Variants in NEK10 observed in about 807,000 individuals in gnomAD.
NEK10 encodes the protein NIMA related kinase 10.
Under a neutral mutation model 159.8 loss-of-function variants are expected in NEK10, and 122 were observed. The ratio of observed to expected loss-of-function variants is 0.76; its 90% CI spans 0.66 to 0.89. NEK10 has a LOEUF of 0.89. NEK10 is among the 40% of genes least tolerant of loss of function. The pLI is 0.00. For missense variants in NEK10, 1,342 were observed against 1,323.1 expected (o/e 1.01, Z -0.22); for synonymous variants, 466 against 457.1 (o/e 1.02, Z -0.25).
chr3:27,324,482 G>A (rs1363499393), intron 5 of NEK10, among the ~76,000 whole-genome samples: 4 of 152,158 alleles, frequency 2.6e-5, no homozygotes, highest in Non-Finnish European at 5.9e-5. Flanking sequence ...AACCCTTGGT[G>A]TTTTTCTTGC....
chr3:27,324,520 C>T (rs936982732), intron 5 of NEK10, among the ~76,000 whole-genome samples: 2 of 152,150 alleles, frequency 1.3e-5, no homozygotes, highest in Admixed American at 1.3e-4. Flanking sequence ...CATTCTTTGC[C>T]AATTCCTCAG....
intron 5 of NEK10, among the ~76,000 whole-genome samples, chr3:27,332,394 G>T (rs1216636264): frequency 1.3e-5 from 2 of 152,062 alleles, no homozygotes; most frequent in African/African-American, 4.8e-5. Context: ...TATATTGGAA[G>T]GATTCATTAT....
intron 25 of NEK10, among the ~76,000 whole-genome samples, chr3:27,195,774 G>C (rs891276968): frequency 6.6e-6 from 1 of 152,024 alleles, no homozygotes. Context: ...AGTAAGACAG[G>C]TCCTTCTGTA....
chr3:27,339,124 G>A (rs2047020914), intron 5 of NEK10, among the ~76,000 whole-genome samples: 1 of 152,150 alleles, frequency 6.6e-6, no homozygotes, highest in Admixed American at 6.5e-5. Context: ...CCATTAAAAA[G>A]TGGGCAAAGT....
At chr3:27,245,539 G>A (rs1256264291) in intron 23 of NEK10, among the ~76,000 whole-genome samples, 1 of 152,098 alleles carries the variant, frequency 6.6e-6, no homozygotes, top group African/African-American at 2.4e-5. Context: ...GCATCAACAC[G>A]AACTGCCTTA....
chr3:27,203,587 C>A (rs1026570808), intron 23 of NEK10, among the ~76,000 whole-genome samples: 8 of 151,960 alleles, frequency 5.3e-5, no homozygotes, highest in South Asian at 2.1e-4. Flanking sequence ...CACACACACA[C>A]CCTAAATTAA....
At chr3:27,334,432 T>TA (rs1460840062) in intron 5 of NEK10, among the ~76,000 whole-genome samples, 1 of 152,168 alleles carries the variant, frequency 6.6e-6, no homozygotes, top group Non-Finnish European at 1.5e-5. Flanking sequence ...GGCCCAAGAA[T>TA]AGACCCAACT....
intron 23 of NEK10, among the ~76,000 whole-genome samples, chr3:27,204,794 G>C (rs1032070948): frequency 4.9e-5 from 7 of 143,674 alleles, no homozygotes; most frequent in African/African-American, 1.8e-4. Context: ...CTTTATAGCA[G>C]CATGATTTAT....
chr3:27,210,013 T>C (rs1397471967), intron 23 of NEK10, among the ~76,000 whole-genome samples: 9 of 130,206 alleles, frequency 6.9e-5, no homozygotes, highest in East Asian at 2.2e-4. Flanking sequence ...AGAGGGAGAG[T>C]ATGACACCTT....
At chr3:27,139,450 T>G (rs1455943240) in intron 31 of NEK10, among the ~76,000 whole-genome samples, 2 of 152,180 alleles carry the variant, frequency 1.3e-5, no homozygotes, top group Non-Finnish European at 2.9e-5. Flanking sequence ...GGGGAATTCA[T>G]GTACACCATG....
intron 11 of NEK10, among the ~76,000 whole-genome samples, chr3:27,305,374 A>G (rs930218644): frequency 6.6e-6 from 1 of 152,142 alleles, no homozygotes; most frequent in Admixed American, 6.5e-5. Context: ...ACTGACCAGC[A>G]TTGGCAGGGC....
chr3:27,314,165 C>T (rs540154214), intron 7 of NEK10, 132 bp downstream of exon 7: 13 of 677,488 alleles, frequency 1.9e-5, no homozygotes, highest in South Asian at 1.0e-4. Flanking sequence ...TCACACTTAA[C>T]GCTGTCTGTC....
intron 26 of NEK10, among the ~76,000 whole-genome samples, chr3:27,179,395 T>C (rs959834503): frequency 1.3e-5 from 2 of 152,210 alleles, no homozygotes; most frequent in Non-Finnish European, 2.9e-5. Flanking sequence ...TAATGAGCTG[T>C]GATTAAATTA....
intron 22 of NEK10, among the ~76,000 whole-genome samples, chr3:27,277,537 T>G (rs2041859266): frequency 6.6e-6 from 1 of 151,998 alleles, no homozygotes; most frequent in African/African-American, 2.4e-5. Flanking sequence ...CCACCAAGGC[T>G]CCTTCATCTC....
chr3:27,241,871 C>A (rs1300065364), intron 23 of NEK10, among the ~76,000 whole-genome samples: 1 of 152,162 alleles, frequency 6.6e-6, no homozygotes, highest in Non-Finnish European at 1.5e-5. Flanking sequence ...TGAGCCTGGA[C>A]ATTGCCATCT....
At chr3:27,335,449 T>A (rs1476131568) in intron 5 of NEK10, among the ~76,000 whole-genome samples, 1 of 151,854 alleles carries the variant, frequency 6.6e-6, no homozygotes, top group Non-Finnish European at 1.5e-5. Flanking sequence ...AAGCAGAGGT[T>A]CTAGGTAGAA....
At chr3:27,194,703 T>C (rs1332169560) in intron 25 of NEK10, 1 of 152,180 alleles carries the variant, frequency 6.6e-6, no homozygotes, top group African/African-American at 2.4e-5. Flanking sequence ...ATTAACTTTG[T>C]TAGTCCTCAT....
chr3:27,161,881 T>C (rs1186835263), intron 30 of NEK10, among the ~76,000 whole-genome samples: 1 of 152,084 alleles, frequency 6.6e-6, no homozygotes, highest in Non-Finnish European at 1.5e-5. Flanking sequence ...GGCAGGCACC[T>C]GTAATCCCAG....
intron 1 of NEK10, among the ~76,000 whole-genome samples, chr3:27,364,436 C>T (rs754889720): frequency 6.7e-6 from 1 of 149,698 alleles, no homozygotes; most frequent in African/African-American, 2.5e-5. Flanking sequence ...CCATGTTGGC[C>T]AGGCTGGTCT....
Sources: allele counts gnomAD v4.1 joint callset (sites outside exome capture counted in the v4.1 genomes callset), GRCh38; gene constraint gnomAD v4.1.1; transcripts MANE v1.5; gene names NCBI Gene and HGNC (gene_info 2026-07-23, HGNC 2026-07-21).